EPS15: variants seen among roughly 807,000 people sequenced by gnomAD.
EPS15 encodes epidermal growth factor receptor pathway substrate 15, also known as epidermal growth factor receptor substrate 15.
EPS15 carries 72 observed loss-of-function variants against 113.8 expected under a neutral mutation model. The observed-to-expected ratio is 0.63, with a 90% confidence interval of 0.52 to 0.77. The LOEUF (loss-of-function observed/expected upper bound fraction) is 0.77, where lower values mean the gene tolerates loss of function less well. EPS15 is among the 30% of genes least tolerant of loss of function. EPS15 has a pLI of 0.00. For synonymous variants in EPS15, 344 were observed against 363.4 expected, an observed-to-expected ratio of 0.95 and a Z score of 0.61; for missense variants, 1,048 against 1,045.8, an observed-to-expected ratio of 1.00 and a Z score of -0.03.
At chr1:51,435,056 A>G (rs1652030909) in intron 12 of EPS15, among the ~76,000 whole-genome samples, 1 of 152,010 alleles carries the variant, frequency 6.6e-6, no homozygotes, top group Admixed American at 6.6e-5. Flanking sequence ...TTTTATCACA[A>G]TTTTTAAACA....
At chr1:51,366,122 C>A (rs892449847) in intron 21 of EPS15, 93 bp from the exon 22 acceptor site, 7 of 792,342 alleles carry the variant, frequency 8.8e-6, no homozygotes, top group Middle Eastern at 4.7e-4. Context: ...GCCTCAAGAG[C>A]AGTGGTACGA....
At chr1:51,391,627 G>A (rs1352439150) in intron 21 of EPS15, among the ~76,000 whole-genome samples, 1 of 152,172 alleles carries the variant, frequency 6.6e-6, no homozygotes, top group African/African-American at 2.4e-5. Flanking sequence ...GAAGACCAGT[G>A]TGGCTGGAGC....
chr1:51,373,082 AC>A, intron 21 of EPS15: 1 of 184,924 alleles, frequency 5.4e-6, no homozygotes. Context: ...AACTTCATCA[AC>A]AACAAGATTG....
intron 1 of EPS15, among the ~76,000 whole-genome samples, chr1:51,505,188 CAGG>C (rs140185826): frequency 0.019 from 2,822 of 151,958 alleles, 87 homozygotes; most frequent in African/African-American, 0.065. Flanking sequence ...GATATGTGCC[CAGG>C]AGAAGTGAAA....
chr1:51,413,917 T>C (rs943017300), intron 13 of EPS15, among the ~76,000 whole-genome samples: 6 of 152,070 alleles, frequency 3.9e-5, no homozygotes, highest in Admixed American at 6.5e-5. Flanking sequence ...CCTGGCTAAT[T>C]TTTAAATTTT....
At chr1:51,508,938 C>G (rs6690423) in intron 1 of EPS15, among the ~76,000 whole-genome samples, 2,143 of 152,148 alleles carry the variant, frequency 0.014, 51 homozygotes, top group African/African-American at 0.049. Context: ...CAGTAACAAC[C>G]CTGGATCCTA....
chr1:51,439,796 T>C (rs1181307632), intron 12 of EPS15, among the ~76,000 whole-genome samples: 1 of 152,030 alleles, frequency 6.6e-6, no homozygotes, highest in African/African-American at 2.4e-5. Flanking sequence ...TATCTAAGCA[T>C]CTTAAGTTTC....
chr1:51,506,221 C>A (rs1644496973), intron 1 of EPS15, among the ~76,000 whole-genome samples: 1 of 152,110 alleles, frequency 6.6e-6, no homozygotes, highest in South Asian at 2.1e-4. Flanking sequence ...TTAACTACCT[C>A]CACAGCTTTT....
intron 21 of EPS15, among the ~76,000 whole-genome samples, chr1:51,367,402 A>G (rs1646531325): frequency 6.6e-6 from 1 of 151,936 alleles, no homozygotes; most frequent in Non-Finnish European, 1.5e-5. Flanking sequence ...AAATACAAAA[A>G]ATTAGCTGGG....
intron 13 of EPS15, 81 bp from the exon 14 acceptor site, chr1:51,409,777 G>T: frequency 1.1e-6 from 1 of 951,474 alleles, no homozygotes; most frequent in Non-Finnish European, 1.6e-6. Context: ...TCTACCTTAA[G>T]AAAGAATAAA....
chr1:51,412,302 C>T (rs974003574), intron 13 of EPS15, among the ~76,000 whole-genome samples: 15 of 152,260 alleles, frequency 9.9e-5, no homozygotes, highest in African/African-American at 3.6e-4. Context: ...GTGCAGCCAA[C>T]CACCATGGCA....
At chr1:51,512,693 A>G (rs74082612) in intron 1 of EPS15, among the ~76,000 whole-genome samples, 9,561 of 152,184 alleles carry the variant, frequency 0.063, 953 homozygotes, top group African/African-American at 0.21. Flanking sequence ...CCTTACCCAT[A>G]AAGAAATAAC....
intron 20 of EPS15, among the ~76,000 whole-genome samples, chr1:51,395,523 TACACACAC>T (rs139866618): frequency 2.1e-4 from 32 of 150,568 alleles, no homozygotes; most frequent in Non-Finnish European, 4.3e-4. Flanking sequence ...CATACACACA[TACACACAC>T]ACACACACAT....
intron 13 of EPS15, among the ~76,000 whole-genome samples, chr1:51,419,855 A>G (rs989205318): frequency 1.3e-5 from 2 of 152,082 alleles, no homozygotes; most frequent in African/African-American, 4.8e-5. Context: ...TGCTTCAGAA[A>G]ATTGAAAATG....
chr1:51,384,239 T>G lies in EPS15; in HGVS notation c.2119+10142A>C, dbSNP rs559496386. ...GAAATAGAAAAATTCATCCTAAAAT[T>G]CATATGGAATCTCAAGGAACCTGAA... On this transcript the variant is annotated intron_variant, in intron 21 of 24. Coordinates refer to ENST00000371733, the MANE Select transcript of EPS15 (RefSeq NM_001981.3). 4.6e-5 allele frequency among the ~76,000 whole-genome samples: 7 copies of G among 151,812 alleles called. No individual in the cohort carries two copies. In the East Asian group the frequency reaches 1.2e-3, roughly 25 times the overall value.
chr1:51,429,003 C>T (rs532726003), intron 12 of EPS15, among the ~76,000 whole-genome samples: 7 of 152,070 alleles, frequency 4.6e-5, no homozygotes, highest in Middle Eastern at 3.4e-3. Context: ...GCAGTCCTCC[C>T]GCCTCAGCCT....
intron 21 of EPS15, among the ~76,000 whole-genome samples, chr1:51,379,759 A>C (rs1646894429): frequency 6.6e-6 from 1 of 151,296 alleles, no homozygotes; most frequent in Non-Finnish European, 1.5e-5. Context: ...TCTACTAAAA[A>C]TACAAAAATT....
chr1:51,440,596 T>G (rs1557471884), intron 11 of EPS15, among the ~76,000 whole-genome samples, 164 bp from the exon 12 acceptor site: 1 of 151,982 alleles, frequency 6.6e-6, no homozygotes, highest in Non-Finnish European at 1.5e-5. Context: ...TTATATATAA[T>G]TTTATACTTA....
At chr1:51,386,276 A>G (rs923722378) in intron 21 of EPS15, among the ~76,000 whole-genome samples, 2 of 152,192 alleles carry the variant, frequency 1.3e-5, no homozygotes, top group Admixed American at 1.3e-4. Context: ...ATAAGAGAAA[A>G]GTAAAGTAAT....
Sources: gnomAD v4.1 joint callset for allele counts (sites outside exome capture counted in the v4.1 genomes callset) on GRCh38, gnomAD v4.1.1 for gene constraint, MANE v1.5 for transcripts, NCBI Gene and HGNC (gene_info 2026-07-23, HGNC 2026-07-21) for gene names.